The following HYCC2 variants were observed in gnomAD, a reference collection of about 807,000 sequenced individuals.
HYCC2 encodes the protein hyccin PI4KA lipid kinase complex subunit 2.
chr2:201,027,157 A>ATC, the HYCC2 span, among the ~76,000 whole-genome samples: 1 of 152,244 alleles, frequency 6.6e-6, no homozygotes, highest in Non-Finnish European at 1.5e-5. Context: ...ACAGAAATAC[A>ATC]AGCTACCATC....
At chr2:200,993,030 G>T in the HYCC2 span, 1 of 1,356,922 alleles carries the variant, frequency 7.4e-7, no homozygotes, top group Non-Finnish European at 1.0e-6. Flanking sequence ...TTTAACATGT[G>T]ATTTCCAGAT....
At chr2:201,056,396 C>G in the HYCC2 span, among the ~76,000 whole-genome samples, 4 of 151,596 alleles carry the variant, frequency 2.6e-5, no homozygotes, top group Admixed American at 2.0e-4. Flanking sequence ...CTCTGCCAGC[C>G]GGGCGCAGTG....
the HYCC2 span, among the ~76,000 whole-genome samples, chr2:201,029,457 C>T: frequency 6.6e-6 from 1 of 152,168 alleles, no homozygotes; most frequent in Non-Finnish European, 1.5e-5. Flanking sequence ...ATAAATCATG[C>T]TACTATAAAG....
At chr2:201,013,285 C>A in the HYCC2 span, among the ~76,000 whole-genome samples, 2 of 152,028 alleles carry the variant, frequency 1.3e-5, no homozygotes, top group South Asian at 4.2e-4. Context: ...GCATGGCCAA[C>A]AAAGCAAAAC....
chr2:201,030,200 TATTAA>T, the HYCC2 span, among the ~76,000 whole-genome samples: 1 of 152,216 alleles, frequency 6.6e-6, no homozygotes, highest in Non-Finnish European at 1.5e-5. Flanking sequence ...TATTGCTGGA[TATTAA>T]ATTACTGACC....
chr2:201,015,146 T>C, the HYCC2 span, among the ~76,000 whole-genome samples: 1 of 152,218 alleles, frequency 6.6e-6, no homozygotes, highest in Non-Finnish European at 1.5e-5. Flanking sequence ...AATGGAAATA[T>C]GATGCTGTGC....
chr2:200,981,096 G>T, the HYCC2 span: 1 of 728,570 alleles, frequency 1.4e-6, no homozygotes, highest in Non-Finnish European at 2.3e-6. This position sits in a 1 kb window ranked among gnomAD's most constrained non-coding sequence, Gnocchi z 4.5. Context: ...TAGGAAAGAG[G>T]GATAAAGAAA....
At chr2:201,031,374 G>A in the HYCC2 span, among the ~76,000 whole-genome samples, 11 of 152,180 alleles carry the variant, frequency 7.2e-5, no homozygotes, top group Middle Eastern at 6.8e-3. Flanking sequence ...AAAATCGGCC[G>A]GGCACAGTGG....
At chr2:201,013,698 A>G in the HYCC2 span, among the ~76,000 whole-genome samples, 1 of 152,204 alleles carries the variant, frequency 6.6e-6, no homozygotes, top group Non-Finnish European at 1.5e-5. Context: ...AGGTCCCACC[A>G]CATCTGGGCC....
At chr2:201,011,473 C>T in the HYCC2 span, 1 of 1,534,030 alleles carries the variant, frequency 6.5e-7, no homozygotes, top group South Asian at 1.3e-5. Context: ...CAGCGATTTC[C>T]TATAGTCAAA....
chr2:200,996,028 CTTTTTTTTTTTT>C, the HYCC2 span: 2 of 115,506 alleles, frequency 1.7e-5, no homozygotes, highest in South Asian at 2.9e-4. Context: ...TTTCTTTTTT[CTTTTTTTTTTTT>C]TTTTTTTTTG....
chr2:201,016,373 C>T, the HYCC2 span, among the ~76,000 whole-genome samples: 1 of 152,126 alleles, frequency 6.6e-6, no homozygotes, highest in East Asian at 1.9e-4. Context: ...ACTGCATCCT[C>T]GATGTCCTCG....
At chr2:201,065,192 A>C in the HYCC2 span, among the ~76,000 whole-genome samples, 1 of 152,244 alleles carries the variant, frequency 6.6e-6, no homozygotes, top group African/African-American at 2.4e-5. Flanking sequence ...TAGTATTTCA[A>C]GAATGTTATA....
At chr2:201,009,676 T>C in the HYCC2 span, among the ~76,000 whole-genome samples, 1,346 of 152,084 alleles carry the variant, frequency 8.9e-3, 11 homozygotes, top group African/African-American at 0.013. Context: ...GCCAGGCTGG[T>C]CTCAAACTTC....
chr2:201,014,414 T>C, the HYCC2 span, among the ~76,000 whole-genome samples: 2 of 152,202 alleles, frequency 1.3e-5, no homozygotes, highest in South Asian at 4.1e-4. Context: ...TTTCATTTTT[T>C]TAAACCCACT....
chr2:201,026,991 C>A, the HYCC2 span, among the ~76,000 whole-genome samples: 1 of 151,994 alleles, frequency 6.6e-6, no homozygotes, highest in Non-Finnish European at 1.5e-5. Context: ...GATAGAGACA[C>A]AAAAAACCCT....
At chr2:201,036,799 G>A in the HYCC2 span, among the ~76,000 whole-genome samples, 1 of 152,150 alleles carries the variant, frequency 6.6e-6, no homozygotes, top group Non-Finnish European at 1.5e-5. Context: ...ATACTGAATG[G>A]ACAAAAACTG....
chr2:201,047,445 C>CATATATATATAT, the HYCC2 span, among the ~76,000 whole-genome samples: 11,947 of 139,024 alleles, frequency 0.086, 682 homozygotes, highest in African/African-American at 0.16. Flanking sequence ...TCACAGTTCT[C>CATATATATATAT]ATATATATAT....
the HYCC2 span, chr2:201,017,268 A>G: frequency 1.1e-6 from 1 of 900,472 alleles, no homozygotes; most frequent in Non-Finnish European, 1.6e-6. Flanking sequence ...AATATTTTTA[A>G]AAGTCTTAAT....
Sources: allele counts gnomAD v4.1 joint callset (sites outside exome capture counted in the v4.1 genomes callset), GRCh38; gene constraint gnomAD v4.1.1; non-coding constraint Gnocchi (gnomAD v3.1); transcripts MANE v1.5; gene names NCBI Gene and HGNC (gene_info 2026-07-23, HGNC 2026-07-21).